The following ANO10 variants were observed in gnomAD, a reference collection of about 807,000 sequenced individuals.
The protein encoded by ANO10 is anoctamin-10.
In ANO10, 77 loss-of-function variants were observed where a neutral mutation model predicts 74.7. That is an observed-to-expected ratio of 1.03 (90% confidence interval 0.86 to 1.25). The LOEUF is 1.25. ANO10 is among the 50% of genes most tolerant of loss of function. The pLI is 0.00. For missense variants in ANO10, 721 were observed against 778.1 expected (o/e 0.93, Z 0.87); for synonymous variants, 279 against 284.9 (o/e 0.98, Z 0.21).
Position 43,565,614 on chromosome 3 carries a change from G to T in ANO10, c.1293+39C>A. 3.4e-6 allele frequency: 5 copies of T among 1,472,942 alleles called. No individual in the cohort carries two copies. In the South Asian group the frequency reaches 6.2e-5, roughly 18 times the overall value. 91.2% of individuals were successfully genotyped at this position (1,472,942 alleles called of 1,614,324 possible). A position where few individuals can be genotyped will look rare whatever the true frequency, so the allele number is the denominator to read the frequency against. ...TCTAAAGATAGAAAACCACCTCTAT[G>T]ACCTAAAAAATTGGTATTTTTCTGT... On this transcript the variant is annotated intron_variant, in intron 8 of 12. Transcript: ENST00000292246.
chr3:43,649,906 C>G (rs188457653), intron 1 of ANO10, among the ~76,000 whole-genome samples: 92 of 152,318 alleles, frequency 6.0e-4, no homozygotes, highest in African/African-American at 2.1e-3. Context: ...GTACTGGGCT[C>G]TGGCCCCACA....
At chr3:43,547,796 G>A (rs943386192) in intron 11 of ANO10, among the ~76,000 whole-genome samples, 1 of 152,102 alleles carries the variant, frequency 6.6e-6, no homozygotes, top group African/African-American at 2.4e-5. Context: ...TGTGATTAAG[G>A]TATCACTAAA....
chr3:43,577,079 C>A lies in ANO10; in HGVS notation c.775G>T (p.Glu259Ter). ...TTGGCACAGCCACGCTTCCACAGTT[C>A]CAGAATCACCGTGGACCAGATGAGG... ...FNLIWSTVILELWKRGCANMT... is the reference protein window; with the variant it reads ...FNLIWSTVIL Residue 259 changes from glutamate (E) to a stop codon, truncating the protein, a stop_gained, in exon 6 of 13, where the codon GAA (glutamate) becomes TAA (stop). Coordinates refer to ENST00000292246, the MANE Select transcript of ANO10 (RefSeq NM_018075.5). LOFTEE classifies it high-confidence loss of function. 6.2e-7 allele frequency: 1 copy of A among 1,614,158 alleles called. No individual in the cohort carries two copies. The highest frequency in any genetic ancestry group is 8.5e-7 in the Non-Finnish European group (1 of 1,180,016).
rs2076888971 is a variant in ANO10 at position 43,495,735 on chromosome 3, C to T, written c.1797+53985G>A. ...TTTTTTTTTGAGATGGAGTCTCACTCTGTCCCCCAGGCTGGAGAGCAGTGG... is the reference window on the plus strand; with the variant it reads ...TTTTTTTTTGAGATGGAGTCTCACTTTGTCCCCCAGGCTGGAGAGCAGTGG... On this transcript the variant is annotated intron_variant, in intron 11 of 12. Coordinates refer to ENST00000292246, the MANE Select transcript of ANO10 (RefSeq NM_018075.5). 2.0e-5 allele frequency among the ~76,000 whole-genome samples: 3 copies of T among 151,946 alleles called. 1 individual carries two copies. In the South Asian group the frequency reaches 6.2e-4, roughly 32 times the overall value.
intron 11 of ANO10, among the ~76,000 whole-genome samples, chr3:43,538,730 A>AG (rs2078826788): frequency 6.6e-6 from 1 of 152,152 alleles, no homozygotes; most frequent in African/African-American, 2.4e-5. Flanking sequence ...CTAGATGCAG[A>AG]GGGGGATGCA....
chr3:43,635,974 T>C (rs559063828), intron 1 of ANO10, among the ~76,000 whole-genome samples: 1 of 152,010 alleles, frequency 6.6e-6, no homozygotes, highest in South Asian at 2.1e-4. Context: ...AGCATTTTTA[T>C]ATGGTGAATT....
chr3:43,554,239 G>A lies in ANO10; in HGVS notation c.1668+1039C>T, dbSNP rs546826960. ...GATGGAGTGTCGCTCTGTCACCCAGGCTGGAGTGTAATGATATGGTCTCAG... is the reference window on the plus strand; with the variant it reads ...GATGGAGTGTCGCTCTGTCACCCAGACTGGAGTGTAATGATATGGTCTCAG... On this transcript the variant is annotated intron_variant, in intron 10 of 12. Coordinates refer to ENST00000292246, the MANE Select transcript of ANO10 (RefSeq NM_018075.5). 4.0e-5 allele frequency among the ~76,000 whole-genome samples: 6 copies of A among 150,308 alleles called. 1 individual carries two copies. In the South Asian group the frequency reaches 1.3e-3, roughly 32 times the overall value.
chr3:43,564,276 T>C (rs1335032084), intron 8 of ANO10, among the ~76,000 whole-genome samples: 1 of 152,076 alleles, frequency 6.6e-6, no homozygotes, highest in Non-Finnish European at 1.5e-5. Flanking sequence ...TCAAGCAATC[T>C]GCCTGCCTCA....
intron 2 of ANO10, among the ~76,000 whole-genome samples, chr3:43,603,044 G>A (rs1380127741): frequency 1.5e-4 from 23 of 152,248 alleles, no homozygotes; most frequent in African/African-American, 5.1e-4. Context: ...AAGTCAGTAG[G>A]TGATTATGAC....
intron 1 of ANO10, among the ~76,000 whole-genome samples, chr3:43,681,248 T>C (rs1344688550): frequency 2.0e-5 from 3 of 151,232 alleles, no homozygotes; most frequent in South Asian, 2.1e-4. Flanking sequence ...ACCAAGCAAA[T>C]GGAAAACAAA....
At position 43,580,383 on chromosome 3, in the gene ANO10, T is replaced by C. The variant is rs2081210143; in HGVS notation, c.562A>G (p.Thr188Ala). 1.2e-6 allele frequency: 2 copies of C among 1,613,922 alleles called. No homozygotes were observed. The highest frequency in any genetic ancestry group is 1.7e-6 in the Non-Finnish European group (2 of 1,179,988). Reference protein sequence around the residue: ...ALKKLEDTWYTRFALKYQPID... With the variant: ...ALKKLEDTWYARFALKYQPID... Reference sequence around the variant, plus strand: ...GGCTGATACTTCAAAGCAAACCGAGTGTACCAGGTGTCCTCAAGCTTCTTC... The same window carrying C: ...GGCTGATACTTCAAAGCAAACCGAGCGTACCAGGTGTCCTCAAGCTTCTTC... The change falls in exon 5 of 13, where the codon ACT becomes GCT. Residue 188 changes from threonine (T) to alanine (A), a missense_variant. Physicochemically the swap from Thr to Ala is moderately conservative, Grantham distance 58. Transcript: ENST00000292246.
intron 11 of ANO10, among the ~76,000 whole-genome samples, chr3:43,535,885 T>C (rs2078690569): frequency 2.0e-5 from 3 of 152,206 alleles, no homozygotes; most frequent in Admixed American, 1.3e-4. Context: ...TATAAAACTC[T>C]CCTGAAGAGG....
At chr3:43,388,897 C>G (rs1343772266) in intron 12 of ANO10, among the ~76,000 whole-genome samples, 3 of 152,198 alleles carry the variant, frequency 2.0e-5, no homozygotes, top group African/African-American at 7.2e-5. Flanking sequence ...TTCCTCACTG[C>G]TTCTAAGTCT....
chr3:43,589,402 A>G (rs940437243), intron 4 of ANO10, among the ~76,000 whole-genome samples: 13 of 152,164 alleles, frequency 8.5e-5, no homozygotes, highest in African/African-American at 9.7e-5. Context: ...AACTGAAGCA[A>G]TCGGCTGGGC....
At chr3:43,488,834 G>A (rs915353572) in intron 11 of ANO10, among the ~76,000 whole-genome samples, 2 of 152,058 alleles carry the variant, frequency 1.3e-5, no homozygotes, top group Non-Finnish European at 2.9e-5. Flanking sequence ...ATACCCAAAG[G>A]ACTATAAATC....
intron 12 of ANO10, among the ~76,000 whole-genome samples, chr3:43,406,725 A>G (rs2092582965): frequency 6.6e-6 from 1 of 152,180 alleles, no homozygotes; most frequent in Non-Finnish European, 1.5e-5. Context: ...ACAACTCCAT[A>G]GCAAAAAAGA....
At position 43,619,516 on chromosome 3, in the gene ANO10, A is replaced by G. The variant is rs191685192; in HGVS notation, c.-12+2393T>C. 5.9e-5 allele frequency among the ~76,000 whole-genome samples: 9 copies of G among 152,204 alleles called. 1 individual carries two copies. In the South Asian group the frequency reaches 1.9e-3, roughly 32 times the overall value. On this transcript the variant is annotated intron_variant, in intron 1 of 12. Transcript: ENST00000292246. ...TGTACTATTTTTGCAACTTTTTGTA[A>G]ATCTAAAATTATTTCAAAACAAGAA...
At chr3:43,656,667 C>A (rs983033151) in intron 1 of ANO10, among the ~76,000 whole-genome samples, 2 of 152,238 alleles carry the variant, frequency 1.3e-5, no homozygotes, top group Admixed American at 6.5e-5. Context: ...GCCGCTGGCC[C>A]GGATGCTAAG....
At chr3:43,408,220 A>T (rs143095227) in intron 12 of ANO10, among the ~76,000 whole-genome samples, 13 of 152,348 alleles carry the variant, frequency 8.5e-5, no homozygotes, top group African/African-American at 3.1e-4. Context: ...AGAAAATCTA[A>T]AACTACAGCT....
Sources: allele counts gnomAD v4.1 joint callset (sites outside exome capture counted in the v4.1 genomes callset), GRCh38; gene constraint gnomAD v4.1.1; transcripts MANE v1.5; gene names NCBI Gene and HGNC (gene_info 2026-07-23, HGNC 2026-07-21).